LPP: variants seen among roughly 807,000 people sequenced by gnomAD.
The protein encoded by LPP is lipoma-preferred partner.
LPP carries 38 observed loss-of-function variants against 60.4 expected under a neutral mutation model. The observed-to-expected ratio is 0.63, with a 90% CI of 0.49 to 0.83. The LOEUF (loss-of-function observed/expected upper bound fraction) is 0.83, where lower values mean the gene tolerates loss of function less well. Ranked by LOEUF, LPP falls within the 40% of genes least tolerant of loss-of-function variation. LPP has a pLI of 0.00. For missense variants in LPP, 902 were observed against 783.6 expected, an observed-to-expected ratio of 1.15 and a Z score of -1.80; for synonymous variants, 328 against 290.8, an observed-to-expected ratio of 1.13 and a Z score of -1.30.
At chr3:188,678,498 G>A (rs2149337043) in intron 7 of LPP, among the ~76,000 whole-genome samples, 1 of 152,322 alleles carries the variant, frequency 6.6e-6, no homozygotes, top group Non-Finnish European at 1.5e-5. Flanking sequence ...ACTCTAGTGA[G>A]CAGAAAATCT....
At chr3:188,221,757 T>C (rs1207032353) in intron 1 of LPP, among the ~76,000 whole-genome samples, 1 of 152,194 alleles carries the variant, frequency 6.6e-6, no homozygotes, top group Non-Finnish European at 1.5e-5. Context: ...TCAGGAAAGA[T>C]TTACTTGCTG....
At chr3:188,846,708 GAGAAA>G (rs1299796942) in intron 9 of LPP, among the ~76,000 whole-genome samples, 3 of 148,752 alleles carry the variant, frequency 2.0e-5, no homozygotes, top group Non-Finnish European at 4.5e-5. Flanking sequence ...AAAAAAGAGA[GAGAAA>G]AGAAAAGTTA....
intron 2 of LPP, among the ~76,000 whole-genome samples, chr3:188,299,353 C>T (rs1268613843): frequency 2.0e-5 from 3 of 152,280 alleles, no homozygotes; most frequent in East Asian, 1.9e-4. Flanking sequence ...ACAGCAATAC[C>T]GGTGAGTCAT....
At chr3:188,742,246 A>G (rs940209121) in intron 8 of LPP, among the ~76,000 whole-genome samples, 36 of 152,216 alleles carry the variant, frequency 2.4e-4, no homozygotes, top group African/African-American at 8.2e-4. Context: ...AGTGTCTTAA[A>G]AATAAAACGT....
At chr3:188,311,144 A>G (rs558954913) in intron 2 of LPP, among the ~76,000 whole-genome samples, 2 of 147,998 alleles carry the variant, frequency 1.4e-5, no homozygotes, top group Non-Finnish European at 3.0e-5. Flanking sequence ...AGTGGCCCCA[A>G]TTTTTTTTTT....
At chr3:188,564,784 A>G (rs1053778719) in intron 6 of LPP, among the ~76,000 whole-genome samples, 1 of 151,980 alleles carries the variant, frequency 6.6e-6, no homozygotes, top group African/African-American at 2.4e-5. Context: ...TTCCTCAGAA[A>G]TAAACATCCA....
chr3:188,161,339 G>A (rs112725896), intron 1 of LPP, among the ~76,000 whole-genome samples: 256 of 152,282 alleles, frequency 1.7e-3, no homozygotes, highest in African/African-American at 5.9e-3. Flanking sequence ...GGTCAGCAGC[G>A]TACGGAGGGA....
chr3:188,386,305 CACAT>C (rs1164527568), intron 3 of LPP, among the ~76,000 whole-genome samples: 2 of 151,556 alleles, frequency 1.3e-5, no homozygotes. Flanking sequence ...CACACACACA[CACAT>C]AATCTCTCTG....
intron 3 of LPP, among the ~76,000 whole-genome samples, chr3:188,358,954 CGTGTTA>C: frequency 6.6e-6 from 1 of 152,290 alleles, no homozygotes; most frequent in Admixed American, 6.5e-5. Flanking sequence ...GCTGACAGTG[CGTGTTA>C]ACATGCCCAG....
chr3:188,570,157 G>A (rs1187803064), intron 6 of LPP, among the ~76,000 whole-genome samples: 1 of 151,960 alleles, frequency 6.6e-6, no homozygotes, highest in Non-Finnish European at 1.5e-5. Context: ...GCAGAGAAGG[G>A]TAAAAGTGAC....
intron 4 of LPP, among the ~76,000 whole-genome samples, chr3:188,476,055 A>T (rs137885954): frequency 1.5e-3 from 232 of 151,666 alleles, no homozygotes; most frequent in African/African-American, 5.3e-3. Flanking sequence ...TAAAATTGCA[A>T]CTCCCACCAC....
At chr3:188,436,631 A>G (rs1401520959) in intron 4 of LPP, among the ~76,000 whole-genome samples, 1 of 152,172 alleles carries the variant, frequency 6.6e-6, no homozygotes, top group Non-Finnish European at 1.5e-5. Flanking sequence ...AAGGCCTGGG[A>G]TTTCTATGCA....
chr3:188,527,458 T>C (rs1326875615), intron 6 of LPP, among the ~76,000 whole-genome samples: 1 of 151,778 alleles, frequency 6.6e-6, no homozygotes, highest in Admixed American at 6.6e-5. Flanking sequence ...CTTTTGTAGA[T>C]AATGGGATTA....
intron 9 of LPP, among the ~76,000 whole-genome samples, chr3:188,855,911 A>G (rs1763720948): frequency 6.6e-6 from 1 of 152,198 alleles, no homozygotes; most frequent in Admixed American, 6.5e-5. Flanking sequence ...CCACTGAGCC[A>G]TACAGAGTCT....
chr3:188,820,112 C>G (rs1270647864), intron 9 of LPP, among the ~76,000 whole-genome samples: 2 of 152,180 alleles, frequency 1.3e-5, no homozygotes, highest in African/African-American at 2.4e-5. Context: ...TTAGCAGATT[C>G]TCCCAAGGAA....
At chr3:188,308,906 C>T (rs2150232649) in intron 2 of LPP, among the ~76,000 whole-genome samples, 1 of 79,270 alleles carries the variant, frequency 1.3e-5, no homozygotes, top group East Asian at 1.0e-3. Context: ...ACTCCTTCTC[C>T]TTCTTCTTCG....
intron 7 of LPP, among the ~76,000 whole-genome samples, chr3:188,649,604 A>G (rs946442585): frequency 5.9e-5 from 9 of 152,034 alleles, no homozygotes; most frequent in Admixed American, 5.9e-4. Context: ...TAGCACTTAC[A>G]TTCTTTTGCC....
intron 6 of LPP, among the ~76,000 whole-genome samples, chr3:188,541,168 C>G (rs1323690794): frequency 1.3e-5 from 2 of 152,166 alleles, no homozygotes; most frequent in Non-Finnish European, 2.9e-5. Flanking sequence ...TTCACCTACC[C>G]AGACGCTAAA....
rs1769954712 is a variant in LPP, at chr3:188,881,139, C to CAAAAAAAAAAAAAGAAAAAA, written c.*6673_*6674insGAAAAAAAAAAAAAAAAAAA. 1 of 72,388 alleles carries CAAAAAAAAAAAAAGAAAAAA rather than the reference C, an allele frequency of 1.4e-5. No homozygotes were observed. The highest frequency in any genetic ancestry group is 4.4e-5 in the African/African-American group (1 of 22,700). 4.5% of individuals were successfully genotyped at this position (72,388 alleles called of 1,614,324 possible). A position where few individuals can be genotyped will look rare whatever the true frequency, so the allele number is the denominator to read the frequency against. On this transcript the variant is annotated 3_prime_UTR_variant, in exon 12 of 12. Transcript: ENST00000617246. Reference sequence around the variant, plus strand: ...TGGGCGAAAGAGCGAGACTCCGTCTCAAAAAAAAAAAAAAAAAAATAGGAT... The same window carrying CAAAAAAAAAAAAAGAAAAAA: ...TGGGCGAAAGAGCGAGACTCCGTCTCAAAAAAAAAAAAAGAAAAAAAAAAAAAAAAAAAAAAAAATAGGAT...
Sources: gnomAD v4.1 joint callset for allele counts (sites outside exome capture counted in the v4.1 genomes callset) on GRCh38, gnomAD v4.1.1 for gene constraint, MANE v1.5 for transcripts, NCBI Gene and HGNC (gene_info 2026-07-23, HGNC 2026-07-21) for gene names.